DACH2: variants seen among roughly 807,000 people sequenced by gnomAD.
DACH2 encodes the protein dachshund family transcription factor 2.
DACH2 carries 17 observed loss-of-function variants against 35.8 expected under a neutral mutation model. The ratio of observed to expected loss-of-function variants is 0.48; its 90% CI spans 0.33 to 0.71. DACH2 has a LOEUF of 0.71. DACH2 is among the 30% of genes least tolerant of loss of function. DACH2 has a pLI of 0.02. For synonymous variants in DACH2, 195 were observed against 177.3 expected (o/e 1.10, Z -0.79); for missense variants, 469 against 472.7 (o/e 0.99, Z 0.07).
At chrX:86,612,070 T>C (rs1255357573) in intron 3 of DACH2, among the ~76,000 whole-genome samples, 2 of 107,520 alleles carry the variant, frequency 1.9e-5, no homozygotes, top group Non-Finnish European at 3.8e-5. Context: ...CAACAGGTGA[T>C]GAATACTGCC....
At chrX:86,597,634 A>G (rs2039729427) in intron 3 of DACH2, among the ~76,000 whole-genome samples, 2 of 111,408 alleles carry the variant, frequency 1.8e-5, no homozygotes, top group South Asian at 3.8e-4. Context: ...TAGGTTTCCA[A>G]TGGGTTTTGG....
At chrX:86,579,122 C>T (rs1423195560) in intron 3 of DACH2, among the ~76,000 whole-genome samples, 4 of 105,201 alleles carry the variant, frequency 3.8e-5, no homozygotes, top group Admixed American at 2.1e-4. Flanking sequence ...GACGGAGTTT[C>T]GCTCTTGTTG....
chrX:86,700,902 G>T (rs1314273683), intron 5 of DACH2, among the ~76,000 whole-genome samples: 1 of 111,393 alleles, frequency 9.0e-6, no homozygotes, highest in Admixed American at 9.6e-5. Context: ...TGGATTCACA[G>T]CTGAATTATA....
Position 86,695,041 on chromosome X carries a change from G to T in DACH2, c.793G>T (p.Asp265Tyr), listed in dbSNP as rs149971925. The change falls in exon 5 of 12, where the codon GAT (aspartate) becomes TAT (tyrosine). Residue 265 changes from aspartate (D) to tyrosine (Y), a missense_variant. Around this residue, in one of 3 missense-constraint regions of DACH2, gnomAD observed 363 missense variants for 334.4 expected, o/e 1.09. Coordinates refer to ENST00000373125, the MANE Select transcript of DACH2 (RefSeq NM_053281.3). ...TTCAGGTGGAAGTGAATCCTCCTGG[G>T]ATAAAGATAAGATGCAGTCTCCATT... is the stretch of plus-strand genomic sequence containing the variant. Reference protein sequence around the residue: ...SNTGGSESSWDKDKMQSPFAA... With the variant: ...SNTGGSESSWYKDKMQSPFAA... 19 of 1,099,144 alleles carry T rather than the reference G, an allele frequency of 1.7e-5. No individual in the cohort carries two copies. In the East Asian group the frequency reaches 5.9e-4, roughly 34 times the overall value. The allele number at this position is 1,099,144 out of a possible 1,213,427, so 90.6% of individuals were successfully genotyped here.
chrX:86,688,599 C>T (rs1294632696), intron 4 of DACH2, among the ~76,000 whole-genome samples: 1 of 111,991 alleles, frequency 8.9e-6, no homozygotes, highest in Non-Finnish European at 1.9e-5. Context: ...GCACCTGACA[C>T]ATGTTAAGTA....
At chrX:86,663,493 GA>G (rs2040630982) in intron 4 of DACH2, among the ~76,000 whole-genome samples, 1 of 111,347 alleles carries the variant, frequency 9.0e-6, no homozygotes, top group Non-Finnish European at 1.9e-5. Flanking sequence ...ATGTTAGTGT[GA>G]ATCAAAGTTT....
chrX:86,327,349 C>G, intron 1 of DACH2, among the ~76,000 whole-genome samples: 1 of 111,916 alleles, frequency 8.9e-6, no homozygotes, highest in Non-Finnish European at 1.9e-5. Context: ...GGCTTTGTTT[C>G]TCACCAAGAC....
In DACH2 at chrX:86,484,851, C is replaced by T. The variant is rs368908568; in HGVS notation, c.528-29428C>T. Among the ~76,000 whole-genome samples, 31 of 111,756 alleles carry T rather than the reference C, an allele frequency of 2.8e-4. No homozygotes were observed. In the East Asian group the frequency reaches 3.7e-3, roughly 13 times the overall value. ...TCTTTGAGCATATTTCAGATACTAC[C>T]GTATATTTTACTATGCAAAATTAAA... On this transcript the variant is annotated intron_variant, in intron 2 of 11. Transcript: ENST00000373125.
chrX:86,255,826 A>G (rs1445879528), intron 1 of DACH2, among the ~76,000 whole-genome samples: 1 of 112,037 alleles, frequency 8.9e-6, no homozygotes, highest in Non-Finnish European at 1.9e-5. Flanking sequence ...TGAAGTTTGC[A>G]AAACTGATTG....
rs781311065 is a variant in DACH2, at chrX:86,304,726, GGAGA to G, written c.489-72095_489-72092del. ...AAGCTTAGCCTAAAGAGGAGGAGAT[GGAGA>G]GAAAGTCAGATGGGGTGGTAGAATG... On this transcript the variant is annotated intron_variant, in intron 1 of 11. Coordinates refer to ENST00000373125, the MANE Select transcript of DACH2 (RefSeq NM_053281.3). 2.3e-3 allele frequency: 387 copies of G among 165,995 alleles called. 2 individuals are homozygous for G. Among genetic ancestry groups the G allele is most frequent in the African/African-American group, 0.012 (378 of 32,218 alleles). 13.7% of individuals were successfully genotyped at this position (165,995 alleles called of 1,213,427 possible).
In DACH2 at chrX:86,437,576, A is replaced by G. The variant is rs181894403; in HGVS notation, c.527+60714A>G. Among the ~76,000 whole-genome samples the G allele has an allele frequency of 2.7e-4, 30 of 111,734 alleles. No individual in the cohort carries two copies. In the East Asian group the frequency reaches 3.4e-3, roughly 13 times the overall value. ...TGTCTGGCTTATTTTACTTAACATAATGACCTCCAGTTCTTTCTCTGTTGC... is the reference window on the plus strand; with the variant it reads ...TGTCTGGCTTATTTTACTTAACATAGTGACCTCCAGTTCTTTCTCTGTTGC... On this transcript the variant is annotated intron_variant, in intron 2 of 11. Coordinates refer to ENST00000373125, the MANE Select transcript of DACH2 (RefSeq NM_053281.3).
At position 86,281,385 on chromosome X, in the gene DACH2, A is replaced by G. The variant is rs59320302; in HGVS notation, c.489-95439A>G. Among the ~76,000 whole-genome samples, 303 of 111,881 alleles carry G rather than the reference A, an allele frequency of 2.7e-3. 1 individual carries two copies. The highest frequency in any genetic ancestry group is 9.7e-3 in the African/African-American group (300 of 30,778). The stretch of plus-strand genomic sequence containing the variant: ...AAATGTAATCCATCACACGAACAGA[A>G]CCAGTGACAAAAACCACATGATTAT... On this transcript the variant is annotated intron_variant, in intron 1 of 11. Transcript: ENST00000373125.
At position 86,639,854 on chromosome X, in the gene DACH2, CTG is replaced by C. The variant is rs1305494918; in HGVS notation, c.641-11181_641-11180del. Among the ~76,000 whole-genome samples the C allele has an allele frequency of 2.9e-3, 323 of 111,450 alleles. 2 individuals are homozygous for C. The highest frequency in any genetic ancestry group is 0.01 in the African/African-American group (308 of 30,643). On this transcript the variant is annotated intron_variant, in intron 3 of 11. Transcript: ENST00000373125. The stretch of plus-strand genomic sequence containing the variant: ...GATCTACCAAAACATGGTCAGACTG[CTG>C]CTTTAAGTGGGTGCCTGATCCTATT...
Position 86,529,721 on chromosome X carries a change from C to G in DACH2, c.640+15330C>G, listed in dbSNP as rs779437687. Among the ~76,000 whole-genome samples, 6 of 109,851 alleles carry G rather than the reference C, an allele frequency of 5.5e-5. No individual in the cohort carries two copies. The East Asian group carries it at 1.4e-3, about 26-fold the overall frequency. On this transcript the variant is annotated intron_variant, in intron 3 of 11. Transcript: ENST00000373125. ...TCTCCTGACCTCGTGATCCACCTGCCCCGGCCTCCCAAAGTGCTGGGATTA... is the reference window on the plus strand; with the variant it reads ...TCTCCTGACCTCGTGATCCACCTGCGCCGGCCTCCCAAAGTGCTGGGATTA...
At chrX:86,647,667 T>A (rs1445626172) in intron 3 of DACH2, among the ~76,000 whole-genome samples, 1 of 110,651 alleles carries the variant, frequency 9.0e-6, no homozygotes, top group Non-Finnish European at 1.9e-5. Flanking sequence ...AGAGGGTAGG[T>A]CTTATGTTAC....
intron 3 of DACH2, among the ~76,000 whole-genome samples, chrX:86,582,827 A>T (rs190944052): frequency 3.7e-4 from 41 of 110,945 alleles, no homozygotes; most frequent in African/African-American, 1.3e-3. Flanking sequence ...ATTTAAAAAA[A>T]AAATGAGGAG....
intron 4 of DACH2, among the ~76,000 whole-genome samples, chrX:86,662,531 T>G (rs747094851): frequency 2.8e-5 from 3 of 108,634 alleles, no homozygotes; most frequent in African/African-American, 3.4e-5. Context: ...AGGCGGAGGT[T>G]GCAGTGAGCC....
chrX:86,689,133 C>T (rs2148439814), intron 4 of DACH2, among the ~76,000 whole-genome samples: 1 of 111,430 alleles, frequency 9.0e-6, no homozygotes, highest in East Asian at 2.8e-4. Context: ...TAGTTGAGAC[C>T]TTCTCAATAT....
chrX:86,497,350 G>C (rs1205540023), intron 2 of DACH2, among the ~76,000 whole-genome samples: 2 of 112,068 alleles, frequency 1.8e-5, no homozygotes, highest in Non-Finnish European at 3.8e-5. Flanking sequence ...GAGGACTTTA[G>C]ATATAGAGTA....
Sources: gnomAD v4.1 joint callset for allele counts (sites outside exome capture counted in the v4.1 genomes callset) on GRCh38, gnomAD v4.1.1 for gene constraint, gnomAD v4.1.1 regional missense constraint, MANE v1.5 for transcripts, NCBI Gene and HGNC (gene_info 2026-07-23, HGNC 2026-07-21) for gene names.